The following ESRRG variants were observed in gnomAD, a reference collection of about 807,000 sequenced individuals.
ESRRG encodes the protein estrogen-related receptor gamma.
Under a neutral mutation model 44.0 loss-of-function variants are expected in ESRRG, and 13 were observed. That is an observed-to-expected ratio of 0.30 (90% CI 0.19 to 0.47). The LOEUF is 0.47. ESRRG is among the 20% of genes least tolerant of loss of function. ESRRG has a pLI of 1.00. For synonymous variants in ESRRG, 215 were observed against 214.6 expected, an observed-to-expected ratio of 1.00 and a Z score of -0.02; for missense variants, 395 against 580.6, an observed-to-expected ratio of 0.68 and a Z score of 3.29.
intron 2 of ESRRG, among the ~76,000 whole-genome samples, chr1:216,818,729 G>A (rs2095218886): frequency 6.6e-6 from 1 of 152,010 alleles, no homozygotes; most frequent in Non-Finnish European, 1.5e-5. Context: ...ATTAAGCCCA[G>A]CAACTATTAG....
chr1:216,953,769 C>A (rs577293398), intron 1 of ESRRG, among the ~76,000 whole-genome samples: 1 of 152,132 alleles, frequency 6.6e-6, no homozygotes, highest in Non-Finnish European at 1.5e-5. Flanking sequence ...AGGAAGAATG[C>A]TAAAATTATT....
chr1:216,833,680 G>A (rs2095520587), intron 2 of ESRRG, among the ~76,000 whole-genome samples: 1 of 152,116 alleles, frequency 6.6e-6, no homozygotes, highest in Non-Finnish European at 1.5e-5. Flanking sequence ...TCTAAATCAA[G>A]GTGGTTAATC....
At chr1:216,708,643 G>A (rs530456692) in intron 1 of ESRRG, among the ~76,000 whole-genome samples, 1 of 152,322 alleles carries the variant, frequency 6.6e-6, no homozygotes, top group African/African-American at 2.4e-5. Flanking sequence ...AACCACTGTG[G>A]AAGACAATGT....
intron 1 of ESRRG, among the ~76,000 whole-genome samples, chr1:216,964,401 T>A (rs1339742404): frequency 1.3e-5 from 2 of 152,026 alleles, no homozygotes; most frequent in South Asian, 2.1e-4. Flanking sequence ...CATACCCCCA[T>A]CCCCAAAGGA....
At chr1:216,678,385 C>T (rs745520949) in intron 1 of ESRRG, among the ~76,000 whole-genome samples, 44 of 152,266 alleles carry the variant, frequency 2.9e-4, no homozygotes, top group Middle Eastern at 3.4e-3. Flanking sequence ...TTATCTGATA[C>T]TATAAAATCT....
At position 216,609,601 on chromosome 1, in the gene ESRRG, G is replaced by C. The variant is rs2060358431; in HGVS notation, c.589+41372C>G. Among the ~76,000 whole-genome samples the C allele has an allele frequency of 2.6e-5, 4 of 152,114 alleles. No homozygotes were observed. The South Asian group carries it at 8.3e-4, about 31-fold the overall frequency. On this transcript the variant is annotated intron_variant, in intron 3 of 6. Coordinates refer to ENST00000408911, the MANE Select transcript of ESRRG (RefSeq NM_001438.4). ...CATTTTATGAAAAAATGAAAAGTAG[G>C]ATCCCTAACTACTTAAGTCAGATTC...
chr1:216,540,464 T>G (rs1027273724), intron 5 of ESRRG, among the ~76,000 whole-genome samples: 39 of 152,146 alleles, frequency 2.6e-4, no homozygotes, highest in African/African-American at 7.5e-4. Flanking sequence ...ACAAAATATG[T>G]GCTAAAATAT....
chr1:217,066,926 G>T (rs1340748911), intron 1 of ESRRG, among the ~76,000 whole-genome samples: 1 of 152,174 alleles, frequency 6.6e-6, no homozygotes, highest in Non-Finnish European at 1.5e-5. Context: ...AATGTGCCTC[G>T]AATGTGAGAT....
chr1:216,661,843 A>T (rs963112388), intron 2 of ESRRG, among the ~76,000 whole-genome samples: 25 of 152,174 alleles, frequency 1.6e-4, no homozygotes, highest in Admixed American at 1.5e-3. Flanking sequence ...GAACTCCTTG[A>T]CATAAGTAAT....
At chr1:216,824,927 A>G (rs190319228) in intron 2 of ESRRG, among the ~76,000 whole-genome samples, 1 of 152,332 alleles carries the variant, frequency 6.6e-6, no homozygotes, top group East Asian at 1.9e-4. Flanking sequence ...AAAACATATA[A>G]TCACTATCTG....
chr1:217,122,308 T>C (rs1040181768), intron 1 of ESRRG, among the ~76,000 whole-genome samples: 1 of 152,166 alleles, frequency 6.6e-6, no homozygotes, highest in Non-Finnish European at 1.5e-5. Flanking sequence ...TAGACAGTAG[T>C]AGTTTAAACC....
intron 1 of ESRRG, among the ~76,000 whole-genome samples, chr1:216,991,632 G>GGGATGGGATA (rs2075723042): frequency 2.7e-5 from 2 of 74,042 alleles, no homozygotes; most frequent in Non-Finnish European, 4.8e-5. Flanking sequence ...GGGATGGGAT[G>GGGATGGGATA]GGATGGGATG....
At chr1:217,134,960 A>G (rs2093028575) in intron 1 of ESRRG, among the ~76,000 whole-genome samples, 1 of 152,218 alleles carries the variant, frequency 6.6e-6, no homozygotes, top group South Asian at 2.1e-4. Flanking sequence ...CCTGGAATTC[A>G]GGGACCTGAC....
At chr1:216,986,668 A>G (rs1178050352) in intron 1 of ESRRG, among the ~76,000 whole-genome samples, 1 of 151,800 alleles carries the variant, frequency 6.6e-6, no homozygotes, top group African/African-American at 2.4e-5. Context: ...CAGAGATTGC[A>G]GTGAGCCAAT....
chr1:216,680,728 C>T (rs1463336496), intron 1 of ESRRG, among the ~76,000 whole-genome samples: 3 of 152,164 alleles, frequency 2.0e-5, no homozygotes, highest in South Asian at 2.1e-4. Context: ...AAAACTACAG[C>T]GAGTCTTAAT....
intron 1 of ESRRG, among the ~76,000 whole-genome samples, chr1:216,967,534 T>G (rs1472025085): frequency 1.3e-5 from 2 of 152,210 alleles, no homozygotes; most frequent in African/African-American, 4.8e-5. Flanking sequence ...AACATGCACT[T>G]AAGTTTCCTT....
At chr1:216,826,646 T>C (rs1216298690) in intron 2 of ESRRG, among the ~76,000 whole-genome samples, 3 of 152,190 alleles carry the variant, frequency 2.0e-5, no homozygotes, top group African/African-American at 7.2e-5. Context: ...TATCATTGAC[T>C]CTATTTTTCA....
intron 3 of ESRRG, among the ~76,000 whole-genome samples, chr1:216,629,685 G>A (rs186331983): frequency 5.9e-5 from 9 of 152,226 alleles, no homozygotes; most frequent in South Asian, 2.1e-4. Context: ...AGTAACTTGC[G>A]CACTGAATAG....
In ESRRG at chr1:216,807,489, T is replaced by C. The variant is rs1018710603; in HGVS notation, c.-13-129998A>G. Among the ~76,000 whole-genome samples, 8 of 152,162 alleles carry C rather than the reference T, an allele frequency of 5.3e-5. 1 individual carries two copies. The highest frequency in any genetic ancestry group is 1.9e-4 in the African/African-American group (8 of 41,452). ...TCAACATAGTTTCTTTTATTTCTGA[T>C]ATAATTAAAATCCTTAAAATATGAT... is the stretch of plus-strand genomic sequence containing the variant. On this transcript the variant is annotated intron_variant, in intron 2 of 7. Coordinates refer to the ESRRG transcript ENST00000359162.
Sources: gnomAD v4.1 joint callset for allele counts (sites outside exome capture counted in the v4.1 genomes callset) on GRCh38, gnomAD v4.1.1 for gene constraint, MANE v1.5 for transcripts, NCBI Gene and HGNC (gene_info 2026-07-23, HGNC 2026-07-21) for gene names.